Variants in PDK1 observed in about 807,000 individuals in gnomAD.
PDK1 encodes the protein [Pyruvate dehydrogenase (acetyl-transferring)] kinase isozyme 1, mitochondrial.
A neutral mutation model predicts 54.2 loss-of-function variants in PDK1; 39 were observed. That is an observed-to-expected ratio of 0.72 (90% CI 0.56 to 0.94). PDK1 has a LOEUF of 0.94. PDK1 is among the 40% of genes least tolerant of loss of function. The pLI is 0.00. For missense variants in PDK1, 552 were observed against 566.0 expected (o/e 0.98, Z 0.25); for synonymous variants, 221 against 207.1 (o/e 1.07, Z -0.58).
the PDK1 span, among the ~76,000 whole-genome samples, chr2:172,711,015 C>G: frequency 6.6e-6 from 1 of 152,174 alleles, no homozygotes; most frequent in South Asian, 2.1e-4. Flanking sequence ...GGTGGCTATG[C>G]CAACTTTCAC....
chr2:172,629,830 G>A, the PDK1 span, among the ~76,000 whole-genome samples: 1 of 152,124 alleles, frequency 6.6e-6, no homozygotes, highest in Non-Finnish European at 1.5e-5. Context: ...TGCTCATCCT[G>A]GCCTCTGTAC....
the PDK1 span, among the ~76,000 whole-genome samples, chr2:172,708,710 A>C: frequency 6.6e-6 from 1 of 152,228 alleles, no homozygotes; most frequent in South Asian, 2.1e-4. Context: ...ATAATATGAA[A>C]AACCCTAGGG....
At chr2:172,594,477 C>CA (rs764596011) in intron 10 of PDK1, among the ~76,000 whole-genome samples, 26 of 151,074 alleles carry the variant, frequency 1.7e-4, no homozygotes, top group African/African-American at 4.4e-4. Context: ...AAAGATTGCA[C>CA]AAAAAAAAAT....
the PDK1 span, among the ~76,000 whole-genome samples, chr2:172,668,195 C>T: frequency 6.6e-6 from 1 of 152,008 alleles, no homozygotes; most frequent in South Asian, 2.1e-4. Context: ...ATCTGGTAGT[C>T]TTGGAGGCAT....
rs1023844479 is a variant in PDK1 at position 172,598,839 on chromosome 2, T to C, written c.*2870T>C. 2.6e-5 allele frequency: 4 copies of C among 152,200 alleles called. No homozygotes were observed. The highest frequency in any genetic ancestry group is 9.6e-5 in the African/African-American group (4 of 41,454). The allele number at this position is 152,200 out of a possible 1,614,324, so 9.4% of individuals were successfully genotyped here. A position where few individuals can be genotyped will look rare whatever the true frequency, so the allele number is the denominator to read the frequency against. On this transcript the variant is annotated 3_prime_UTR_variant, in exon 11 of 11. Coordinates refer to ENST00000282077, the MANE Select transcript of PDK1 (RefSeq NM_002610.5). ...ATTTAGCCTTTTAAAAATATAGTCA[T>C]CTCTTTTAAATAGAATCCTCTTCCA...
chr2:172,604,377 A>G lies in PDK1; in HGVS notation c.*8408A>G, dbSNP rs369912812. 1.3e-5 allele frequency: 2 copies of G among 152,160 alleles called. No individual in the cohort carries two copies. The highest frequency in any genetic ancestry group is 1.9e-4 in the East Asian group (1 of 5,198). The allele number at this position is 152,160 out of a possible 1,614,324, so 9.4% of individuals were successfully genotyped here. A position where few individuals can be genotyped will look rare whatever the true frequency, so the allele number is the denominator to read the frequency against. On this transcript the variant is annotated 3_prime_UTR_variant, in exon 11 of 11. Coordinates refer to ENST00000282077, the MANE Select transcript of PDK1 (RefSeq NM_002610.5). Reference sequence around the variant, plus strand: ...CCAGACATAGCATATATCTTCCTTTACATAGATTGCCTTTGATTTCTTTCA... The same window carrying G: ...CCAGACATAGCATATATCTTCCTTTGCATAGATTGCCTTTGATTTCTTTCA...
upstream of PDK1, chr2:172,556,075 C>T (rs916234724): frequency 9.8e-6 from 11 of 1,124,616 alleles, no homozygotes; most frequent in African/African-American, 9.9e-5. Context: ...CTGCCCGCCA[C>T]GTCCCTCACG....
At chr2:172,583,871 ATTTG>A (rs1348670409) in intron 8 of PDK1, among the ~76,000 whole-genome samples, 2 of 152,260 alleles carry the variant, frequency 1.3e-5, no homozygotes, top group South Asian at 2.1e-4. Context: ...TTAAAAGCAG[ATTTG>A]TTTGTGTATG....
At position 172,586,393 on chromosome 2, in the gene PDK1, G is replaced by C; in HGVS notation, c.1056+5G>C. The C allele has an allele frequency of 1.3e-6, 2 of 1,536,560 alleles. No homozygotes were observed. Among genetic ancestry groups the C allele is most frequent in the Non-Finnish European group, 1.8e-6 (2 of 1,109,836 alleles). On this transcript the variant is annotated splice_donor_5th_base_variant and intron_variant, in intron 9 of 10. Transcript: ENST00000282077. Reference sequence around the variant, plus strand: ...ACCTCCCGCGCAGTGCCTCTGGTATGTTATCAAGAAATAATGAAGTGTGTT... The same window carrying C: ...ACCTCCCGCGCAGTGCCTCTGGTATCTTATCAAGAAATAATGAAGTGTGTT...
intron 8 of PDK1, 26 bp downstream of exon 8, chr2:172,570,850 C>CTTTTT: frequency 3.0e-6 from 3 of 999,290 alleles, no homozygotes; most frequent in Non-Finnish European, 2.9e-6. Flanking sequence ...GGTTTGTTTT[C>CTTTTT]TTTTTTTTTT....
chr2:172,589,321 A>G (rs374098598), intron 9 of PDK1, among the ~76,000 whole-genome samples: 4 of 152,342 alleles, frequency 2.6e-5, no homozygotes, highest in African/African-American at 9.6e-5. Context: ...AGGTGTAGGT[A>G]AAGATAGCAC....
the PDK1 span, among the ~76,000 whole-genome samples, chr2:172,693,408 A>G: frequency 6.6e-6 from 1 of 152,240 alleles, no homozygotes; most frequent in South Asian, 2.1e-4. Flanking sequence ...GACCCTGGGC[A>G]AGATACTTGA....
At chr2:172,612,876 T>G (rs1378470363), downstream of PDK1, among the ~76,000 whole-genome samples, 1 of 152,120 alleles carries the variant, frequency 6.6e-6, no homozygotes, top group Non-Finnish European at 1.5e-5. Flanking sequence ...GCCAGGCTGG[T>G]CTTGAACTCA....
intron 10 of PDK1, 135 bp from the exon 11 acceptor site, chr2:172,595,694 G>GGT: frequency 1.6e-6 from 1 of 620,630 alleles, no homozygotes; most frequent in Non-Finnish European, 2.8e-6. Flanking sequence ...AGTATATTTA[G>GGT]GTGGTATAAG....
At chr2:172,700,564 C>T in the PDK1 span, among the ~76,000 whole-genome samples, 11 of 151,842 alleles carry the variant, frequency 7.2e-5, no homozygotes, top group African/African-American at 2.2e-4. Context: ...AGACGATGGG[C>T]GGCCGGGCAG....
At chr2:172,576,984 T>C (rs1475482586) in intron 8 of PDK1, among the ~76,000 whole-genome samples, 1 of 152,230 alleles carries the variant, frequency 6.6e-6, no homozygotes, top group Non-Finnish European at 1.5e-5. Context: ...TGCAGTGTTG[T>C]ACAAGCTTGT....
rs1043110385 is a variant in PDK1 at position 172,605,452 on chromosome 2, T to G, written c.*9483T>G. 3 of 147,958 alleles carry G rather than the reference T, an allele frequency of 2.0e-5. No individual in the cohort carries two copies. Among genetic ancestry groups the G allele is most frequent in the Non-Finnish European group, 4.4e-5 (3 of 67,578 alleles). 9.2% of individuals were successfully genotyped at this position (147,958 alleles called of 1,614,324 possible). A position where few individuals can be genotyped will look rare whatever the true frequency, so the allele number is the denominator to read the frequency against. ...GTGTAGTGGTGTGATCTCAGCTCAG[T>G]GCAGCGTCTGCTTCCTGGGTTCAAG... On this transcript the variant is annotated 3_prime_UTR_variant, in exon 11 of 11. Coordinates refer to ENST00000282077, the MANE Select transcript of PDK1 (RefSeq NM_002610.5).
chr2:172,685,280 C>G, the PDK1 span, among the ~76,000 whole-genome samples: 2 of 152,330 alleles, frequency 1.3e-5, no homozygotes, highest in Non-Finnish European at 2.9e-5. Context: ...GTCCCTGAAG[C>G]CCTCCTCTAG....
At chr2:172,721,517 T>C in the PDK1 span, among the ~76,000 whole-genome samples, 1 of 152,176 alleles carries the variant, frequency 6.6e-6, no homozygotes, top group Non-Finnish European at 1.5e-5. Context: ...TTTATATTTT[T>C]AGCAGAGACG....
Sources: gnomAD v4.1 joint callset for allele counts (sites outside exome capture counted in the v4.1 genomes callset) on GRCh38, gnomAD v4.1.1 for gene constraint, MANE v1.5 for transcripts, NCBI Gene and HGNC (gene_info 2026-07-23, HGNC 2026-07-21) for gene names.